Variants in FILIP1 observed in about 807,000 individuals in gnomAD.
The protein encoded by FILIP1 is filamin A interacting protein 1, also known as filamin-A-interacting protein 1.
FILIP1 carries 61 observed loss-of-function variants against 102.1 expected under a neutral mutation model. The ratio of observed to expected loss-of-function variants is 0.60; its 90% CI spans 0.49 to 0.74. The LOEUF (loss-of-function observed/expected upper bound fraction) is 0.74, where lower values mean the gene tolerates loss of function less well. FILIP1 is among the 30% of genes least tolerant of loss of function. FILIP1 has a pLI of 0.00. For missense variants in FILIP1, 1,314 were observed against 1,441.2 expected, an observed-to-expected ratio of 0.91 and a Z score of 1.43; for synonymous variants, 491 against 526.9, an observed-to-expected ratio of 0.93 and a Z score of 0.93.
intron 1 of FILIP1, among the ~76,000 whole-genome samples, chr6:75,447,135 T>A: frequency 6.6e-6 from 1 of 152,238 alleles, no homozygotes; most frequent in East Asian, 1.9e-4. Context: ...CTCTACAAAC[T>A]TCTGTCGTAT....
chr6:75,426,369 A>C (rs1777626095), intron 1 of FILIP1, among the ~76,000 whole-genome samples: 1 of 152,170 alleles, frequency 6.6e-6, no homozygotes. Context: ...ATTCTGTTTC[A>C]TGGGTAAAAA....
intron 6 of FILIP1, among the ~76,000 whole-genome samples, chr6:75,297,416 C>T (rs1306474326): frequency 6.6e-6 from 1 of 152,066 alleles, no homozygotes; most frequent in Admixed American, 6.5e-5. Context: ...TTTCCCTCAG[C>T]CTTTTGGCTT....
intron 1 of FILIP1, among the ~76,000 whole-genome samples, chr6:75,442,084 G>T (rs1778276792): frequency 1.3e-5 from 2 of 152,064 alleles, no homozygotes; most frequent in Admixed American, 1.3e-4. Flanking sequence ...AGACGGGGCG[G>T]CCGGGCAGAG....
Position 75,308,558 on chromosome 6 carries a change from A to T in FILIP1, c.*133T>A. The T allele has an allele frequency of 6.7e-7, 1 of 1,491,862 alleles. No homozygotes were observed. Among genetic ancestry groups the T allele is most frequent in the Admixed American group, 2.1e-5 (1 of 46,540 alleles). 92.4% of individuals were successfully genotyped at this position (1,491,862 alleles called of 1,614,324 possible). ...CACAAAATGGGAAAGACAAATGGTT[A>T]TTAGTTGGTTATTTTATAAACACAA... On this transcript the variant is annotated 3_prime_UTR_variant, in exon 6 of 6. Coordinates refer to ENST00000237172, the MANE Select transcript of FILIP1 (RefSeq NM_015687.5).
chr6:75,395,918 A>C (rs1776445420), intron 2 of FILIP1, among the ~76,000 whole-genome samples: 1 of 152,126 alleles, frequency 6.6e-6, no homozygotes, highest in African/African-American at 2.4e-5. Flanking sequence ...GTTTGTATGG[A>C]GAGTTGCCTT....
At chr6:75,325,383 C>T (rs1243589460) in intron 4 of FILIP1, among the ~76,000 whole-genome samples, 2 of 152,184 alleles carry the variant, frequency 1.3e-5, no homozygotes, top group African/African-American at 2.4e-5. Context: ...GATTGCGCCA[C>T]TGCACTCCAG....
intron 5 of FILIP1, among the ~76,000 whole-genome samples, chr6:75,309,633 A>G (rs959507975): frequency 6.6e-6 from 1 of 152,084 alleles, no homozygotes; most frequent in African/African-American, 2.4e-5. Flanking sequence ...CCAACTACTC[A>G]CTGGACATTT....
chr6:75,465,279 C>A, intron 1 of FILIP1: 1 of 311,550 alleles, frequency 3.2e-6, no homozygotes. Context: ...ACAGGGCTAA[C>A]AATTGGGCCT....
chr6:75,489,693 C>G (rs934132768), intron 1 of FILIP1, among the ~76,000 whole-genome samples: 26 of 152,058 alleles, frequency 1.7e-4, no homozygotes, highest in Admixed American at 1.7e-3. Context: ...ATCTGACTGA[C>G]TTAGTCATGC....
chr6:75,372,728 GAGAAAGAA>G (rs71002736), intron 2 of FILIP1, among the ~76,000 whole-genome samples: 3,202 of 61,072 alleles, frequency 0.052, 147 homozygotes, highest in East Asian at 0.068. Context: ...GAAAGAGAAA[GAGAAAGAA>G]AGAAAGAAAG....
chr6:75,397,547 C>G (rs1776506493), intron 2 of FILIP1, among the ~76,000 whole-genome samples: 2 of 62,720 alleles, frequency 3.2e-5, no homozygotes, highest in Non-Finnish European at 5.8e-5. Context: ...GACACACACA[C>G]ACACACACAC....
At chr6:75,380,990 A>C (rs1200010697) in intron 2 of FILIP1, among the ~76,000 whole-genome samples, 1 of 152,018 alleles carries the variant, frequency 6.6e-6, no homozygotes, top group Non-Finnish European at 1.5e-5. Context: ...CCTCCTAAGG[A>C]GACTTTTTAG....
chr6:75,491,157 C>T (rs1007226599), intron 1 of FILIP1, among the ~76,000 whole-genome samples: 3 of 152,082 alleles, frequency 2.0e-5, no homozygotes, highest in Non-Finnish European at 4.4e-5. Context: ...GTGGAAGACC[C>T]TGATCTGGGT....
intron 1 of FILIP1, among the ~76,000 whole-genome samples, chr6:75,444,390 A>G (rs1778373463): frequency 6.6e-6 from 1 of 152,232 alleles, no homozygotes; most frequent in Admixed American, 6.5e-5. Context: ...TTAAACACAA[A>G]TAACCAATTT....
At chr6:75,391,766 CCTTGA>C (rs1776286993) in intron 2 of FILIP1, among the ~76,000 whole-genome samples, 1 of 152,140 alleles carries the variant, frequency 6.6e-6, no homozygotes, top group Admixed American at 6.6e-5. Context: ...CAAGATCCTC[CCTTGA>C]CTCTACTTCC....
chr6:75,418,939 T>C (rs578073929), intron 1 of FILIP1, among the ~76,000 whole-genome samples: 1 of 152,256 alleles, frequency 6.6e-6, no homozygotes, highest in Admixed American at 6.5e-5. Context: ...TCAAATGTTA[T>C]TCTGAGCCTC....
In FILIP1 at chr6:75,310,040, T is replaced by C. The variant is rs181412245; in HGVS notation, c.3436-1143A>G. On this transcript the variant is annotated intron_variant, in intron 5 of 5. Transcript: ENST00000237172. ...TCAATTTCATAATGAGACATGTATG[T>C]GCCTCCCTTCAATATCCAACCCCAG... is the stretch of plus-strand genomic sequence containing the variant. Among the ~76,000 whole-genome samples, 4 of 152,366 alleles carry C rather than the reference T, an allele frequency of 2.6e-5. No individual in the cohort carries two copies. In the South Asian group the frequency reaches 6.2e-4, roughly 24 times the overall value.
At chr6:75,293,346 G>A (rs1359487796) in exon 7 of FILIP1, 1 of 152,208 alleles carries the variant, frequency 6.6e-6, no homozygotes, top group Non-Finnish European at 1.5e-5. Context: ...AATTGCATAT[G>A]CATGTTGAGA....
intron 2 of FILIP1, among the ~76,000 whole-genome samples, chr6:75,402,577 CCATGTGA>C (rs1776695942): frequency 6.6e-6 from 1 of 152,044 alleles, no homozygotes; most frequent in African/African-American, 2.4e-5. Flanking sequence ...GGAGGCCTTC[CCATGTGA>C]CAAATGGAAC....
Sources: allele counts gnomAD v4.1 joint callset (sites outside exome capture counted in the v4.1 genomes callset), GRCh38; gene constraint gnomAD v4.1.1; transcripts MANE v1.5; gene names NCBI Gene and HGNC (gene_info 2026-07-23, HGNC 2026-07-21).